AGRN: variants seen among roughly 807,000 people sequenced by gnomAD.
AGRN encodes agrin.
AGRN carries 106 observed loss-of-function variants against 211.0 expected under a neutral mutation model. The ratio of observed to expected loss-of-function variants is 0.50; its 90% CI spans 0.43 to 0.59. AGRN has a LOEUF of 0.59. Among genes scored for constraint, AGRN ranks in the 20% least tolerant of loss-of-function variants. The pLI is 0.00. For synonymous variants in AGRN, 1,525 were observed against 1,332.5 expected, an observed-to-expected ratio of 1.14 and a Z score of -3.15; for missense variants, 3,040 against 2,982.6, an observed-to-expected ratio of 1.02 and a Z score of -0.45.
intron 2 of AGRN, among the ~76,000 whole-genome samples, chr1:1,025,683 C>G (rs1223822744): frequency 6.6e-6 from 1 of 152,066 alleles, no homozygotes; most frequent in Non-Finnish European, 1.5e-5. Context: ...GGGCTCGAGG[C>G]TGCTGCCCCA....
intron 30 of AGRN, chr1:1,051,052 G>A (rs558915417): frequency 9.7e-6 from 15 of 1,548,904 alleles, no homozygotes; most frequent in Admixed American, 3.9e-5. Context: ...AGGTACTGTC[G>A]GCCTCTCATC....
chr1:1,023,757 G>A (rs568781463), intron 2 of AGRN, among the ~76,000 whole-genome samples: 3 of 152,296 alleles, frequency 2.0e-5, no homozygotes, highest in Admixed American at 6.5e-5. Context: ...CCGGCTGAAC[G>A]AGGCTCTGCA....
chr1:1,042,488 G>T (rs1331163957), intron 7 of AGRN, among the ~76,000 whole-genome samples: 1 of 152,168 alleles, frequency 6.6e-6, no homozygotes, highest in African/African-American at 2.4e-5. Flanking sequence ...CACAACACCA[G>T]GGTCCTCACT....
chr1:1,053,093 G>T, intron 33 of AGRN: 1 of 245,724 alleles, frequency 4.1e-6, no homozygotes, highest in Non-Finnish European at 8.2e-6. Context: ...GTGTGTACTG[G>T]GGCATCCAAG....
Position 1,053,940 on chromosome 1 carries a change from G to A in AGRN, c.5839G>A (p.Val1947Ile), listed in dbSNP as rs745398279. ...QPVVLRSTVP[V>I]NTNRWLRVVA... ...CGTGGTGCTGCGTTCCACCGTGCCC[G>A]TCAACACCAACCGCTGGTTGCGGGT... is the stretch of plus-strand genomic sequence containing the variant. The change falls in exon 34 of 36, where the codon GTC (valine) becomes ATC (isoleucine). Residue 1947 changes from valine (V) to isoleucine (I), a missense_variant. Val to Ile is a conservative substitution (Grantham distance 29). Transcript: ENST00000379370. 3.5e-5 allele frequency: 56 copies of A among 1,603,934 alleles called. No individual in the cohort carries two copies. The highest frequency in any genetic ancestry group is 1.9e-4 in the Middle Eastern group (1 of 5,378).
In AGRN at chr1:1,050,018, G is replaced by A. The variant is rs778881406; in HGVS notation, c.4860G>A (p.Glu1620=). The change falls in exon 27 of 36, where the codon GAG becomes GAA. Residue 1620 remains glutamate, a synonymous_variant. Coordinates refer to ENST00000379370, the MANE Select transcript of AGRN (RefSeq NM_198576.4). ...GAQCECPLGR[E]GTFCQTASGQ... is the part of the protein sequence containing the mutation. ...AGTGCGAGTGCCCCCTGGGGCGTGA[G>A]GGCACCTTCTGCCAGACAGGTCGGG... The A allele has an allele frequency of 6.2e-7, 1 of 1,606,920 alleles. No individual in the cohort carries two copies. The highest frequency in any genetic ancestry group is 8.5e-7 in the Non-Finnish European group (1 of 1,177,750).
At position 1,040,773 on chromosome 1, in the gene AGRN, C is replaced by T; in HGVS notation, c.620C>T (p.Ala207Val). The T allele has an allele frequency of 3.2e-6, 5 of 1,540,808 alleles. No individual in the cohort carries two copies. Among genetic ancestry groups the T allele is most frequent in the Middle Eastern group, 1.7e-4 (1 of 5,810 alleles). ...CKKSPCPSVV[A>V]PVCGSDASTY... ...AAGAGCCCGTGCCCCAGCGTGGTGG[C>T]GCCTGTGTGTGGGTCGGACGCCTCC... is the stretch of plus-strand genomic sequence containing the variant. The change falls in exon 4 of 36, where the codon GCG becomes GTG. Residue 207 changes from alanine (A) to valine (V), a missense_variant. Ala to Val is a moderately conservative substitution (Grantham distance 64). Around this residue, in one of 3 missense-constraint regions of AGRN, gnomAD observed 1,498 missense variants for 1,457.8 expected, o/e 1.03. Coordinates refer to ENST00000379370, the MANE Select transcript of AGRN (RefSeq NM_198576.4).
chr1:1,054,716 C>A, intron 35 of AGRN, 108 bp from the exon 36 acceptor site: 1 of 1,497,976 alleles, frequency 6.7e-7, no homozygotes, highest in Non-Finnish European at 9.0e-7. Flanking sequence ...GCTGTGGGGC[C>A]GGGAGGCGGG....
At chr1:1,026,417 G>A (rs1644522170) in intron 2 of AGRN, among the ~76,000 whole-genome samples, 1 of 152,090 alleles carries the variant, frequency 6.6e-6, no homozygotes, top group African/African-American at 2.4e-5. Flanking sequence ...TCCAGGGAAG[G>A]GGGTGCCCGT....
At position 1,055,047 on chromosome 1, in the gene AGRN, T is replaced by C; in HGVS notation, c.*66T>C. On this transcript the variant is annotated 3_prime_UTR_variant, in exon 36 of 36. Coordinates refer to ENST00000379370, the MANE Select transcript of AGRN (RefSeq NM_198576.4). ...TTTTTGTAAACTTGTTGCTTTTTGA[T>C]ATGATTTTCTTGCCTGAGTGTTGGC... 7.8e-6 allele frequency: 12 copies of C among 1,536,334 alleles called. No individual in the cohort carries two copies. Among genetic ancestry groups the C allele is most frequent in the Non-Finnish European group, 1.0e-5 (12 of 1,145,092 alleles).
chr1:1,037,188 G>C (rs965462885), intron 3 of AGRN, among the ~76,000 whole-genome samples: 2 of 152,210 alleles, frequency 1.3e-5, no homozygotes, highest in Admixed American at 1.3e-4. Context: ...CAAGAACTGC[G>C]TTTCCACCAC....
In AGRN at chr1:1,047,599, C is replaced by T. The variant is rs775453668; in HGVS notation, c.3543C>T (p.Asp1181=). 2.9e-5 allele frequency: 46 copies of T among 1,612,870 alleles called. No homozygotes were observed. In the East Asian group the frequency reaches 3.1e-4, roughly 11 times the overall value. ...TGGACGACCTCTTCCGGAATTCAGA[C>T]GTCAAGAAGGATTTTCGGAGTGTCC... ...STLDDLFRNS[D]VKKDFRSVRL... The change falls in exon 21 of 36, where the codon GAC becomes GAT. Residue 1181 remains aspartate, a synonymous_variant. Coordinates refer to ENST00000379370, the MANE Select transcript of AGRN (RefSeq NM_198576.4).
chr1:1,051,840 G>T, intron 33 of AGRN, 25 bp downstream of exon 33: 2 of 1,613,026 alleles, frequency 1.2e-6, no homozygotes, highest in Non-Finnish European at 1.7e-6. Flanking sequence ...TCTGCTGGCT[G>T]TCGGTTCCAT....
At position 1,048,793 on chromosome 1, in the gene AGRN, G is replaced by GT. The variant is rs1234653312; in HGVS notation, c.4106-74_4106-73insT. ...AAAAAAAAAAAAAAAAAAAAAAGCA[G>GT]GGGGCGGTTTCAGGGATAAAAGTGG... On this transcript the variant is annotated intron_variant, in intron 23 of 35. Coordinates refer to ENST00000379370, the MANE Select transcript of AGRN (RefSeq NM_198576.4). This position sits in a 1 kb window ranked among gnomAD's most constrained non-coding sequence, Gnocchi z 5.9. 19 of 251,700 alleles carry GT rather than the reference G, an allele frequency of 7.5e-5. 1 individual carries two copies. The highest frequency in any genetic ancestry group is 6.2e-4 in the East Asian group (1 of 1,620). The allele number at this position is 251,700 out of a possible 1,614,324, so 15.6% of individuals were successfully genotyped here.
In AGRN at chr1:1,055,650, G is replaced by A. The variant is rs777039724; in HGVS notation, c.*669G>A. ...ACCCCAGGCCCTGCGAGGGGCTATC[G>A]AGAGGAGCTCACTGTGGGATGGGGT... On this transcript the variant is annotated 3_prime_UTR_variant, in exon 36 of 36. Transcript: ENST00000379370. 21 of 160,710 alleles carry A rather than the reference G, an allele frequency of 1.3e-4. No homozygotes were observed. The highest frequency in any genetic ancestry group is 5.2e-4 in the Admixed American group (9 of 17,246). The allele number at this position is 160,710 out of a possible 1,614,324, so 10.0% of individuals were successfully genotyped here. A position where few individuals can be genotyped will look rare whatever the true frequency, so the allele number is the denominator to read the frequency against.
chr1:1,022,247 A>G lies in AGRN; in HGVS notation c.248A>G (p.Glu83Gly). 1 of 1,613,158 alleles carries G rather than the reference A, an allele frequency of 6.2e-7. No homozygotes were observed. Among genetic ancestry groups the G allele is most frequent in the Non-Finnish European group, 8.5e-7 (1 of 1,180,004 alleles). Residue 83 changes from glutamate to glycine, a missense_variant, in exon 2 of 36, where the codon GAG becomes GGG. Glu to Gly is a moderately conservative substitution (Grantham distance 98). Coordinates refer to ENST00000379370, the MANE Select transcript of AGRN (RefSeq NM_198576.4). The part of the protein sequence containing the change: ...YLKGKDLVAR[E>G]SLLDGGNKVV... ...AAGGGCAAAGACCTGGTGGCCCGGG[A>G]GAGCCTGCTGGACGGCGGCAACAAG...
intron 7 of AGRN, among the ~76,000 whole-genome samples, chr1:1,042,718 G>A (rs969000731): frequency 6.6e-6 from 1 of 152,196 alleles, no homozygotes. Context: ...ATGAGGTGCC[G>A]TGCCTGCCCT....
In AGRN at chr1:1,049,066, G is replaced by A. The variant is rs201995572; in HGVS notation, c.4298+7G>A. The A allele has an allele frequency of 1.2e-4, 179 of 1,523,684 alleles. 1 individual carries two copies. The African/African-American group carries it at 2.3e-3, about 19-fold the overall frequency. The allele number at this position is 1,523,684 out of a possible 1,614,324, so 94.4% of individuals were successfully genotyped here. A position where few individuals can be genotyped will look rare whatever the true frequency, so the allele number is the denominator to read the frequency against. ...ATGGCCGCGTGCAGCTCAGGTGGGC[G>A]GGGAGGGGACGGGGCCGGGGCAGCT... On this transcript the variant is annotated splice_region_variant and intron_variant, in intron 24 of 35. Coordinates refer to ENST00000379370, the MANE Select transcript of AGRN (RefSeq NM_198576.4).
chr1:1,050,804 GGGC>G lies in AGRN; in HGVS notation c.5222_5224del (p.Gly1741del). 1 of 1,595,520 alleles carries G rather than the reference GGGC, an allele frequency of 6.3e-7. No individual in the cohort carries two copies. Among genetic ancestry groups the G allele is most frequent in the South Asian group, 1.1e-5 (1 of 89,194 alleles). On this transcript the variant is annotated inframe_deletion, in exon 30 of 36. Transcript: ENST00000379370. ...ACGGCCGCAAGGGTGCCCTGCGTGT[GGGC>G]GACGGCCCCCGTGTGTTGGGGGAGT...
Sources: gnomAD v4.1 joint callset for allele counts (sites outside exome capture counted in the v4.1 genomes callset) on GRCh38, gnomAD v4.1.1 for gene constraint, gnomAD v4.1.1 regional missense constraint, Gnocchi (gnomAD v3.1) non-coding constraint, MANE v1.5 for transcripts, NCBI Gene and HGNC (gene_info 2026-07-23, HGNC 2026-07-21) for gene names.